The following TRIM44 variants were observed in gnomAD, a reference collection of about 807,000 sequenced individuals.
TRIM44 encodes the protein tripartite motif containing 44.
Under a neutral mutation model 37.4 loss-of-function variants are expected in TRIM44, and 13 were observed. That is an observed-to-expected ratio of 0.35 (90% CI 0.23 to 0.55). The LOEUF (loss-of-function observed/expected upper bound fraction) is 0.55. Ranked by LOEUF, TRIM44 falls within the 20% of genes least tolerant of loss-of-function variation. TRIM44 has a pLI of 0.89. For synonymous variants in TRIM44, 175 were observed against 157.2 expected (o/e 1.11, Z -0.85); for missense variants, 426 against 437.2 (o/e 0.97, Z 0.23).
At position 35,779,313 on chromosome 11, in the gene TRIM44, CAAG is replaced by C. The variant is rs1853026367; in HGVS notation, c.1008-27044_1008-27042del. Reference sequence around the variant, plus strand: ...GTTGGAAAAGCGCAGTATTAGGGTGCAAGTGTCCCGATTTTCCAGGTACCATCT... The same window carrying C: ...GTTGGAAAAGCGCAGTATTAGGGTGCTGTCCCGATTTTCCAGGTACCATCT... On this transcript the variant is annotated intron_variant, in intron 4 of 4. Transcript: ENST00000299413. 3.9e-5 allele frequency among the ~76,000 whole-genome samples: 6 copies of C among 152,256 alleles called. No homozygotes were observed. The South Asian group carries it at 1.0e-3, about 26-fold the overall frequency.
In TRIM44 at chr11:35,720,204, T is replaced by G. The variant is rs117300181; in HGVS notation, c.748-5720T>G. Among the ~76,000 whole-genome samples the G allele has an allele frequency of 1.3e-4, 20 of 152,332 alleles. No homozygotes were observed. In the East Asian group the frequency reaches 3.9e-3, roughly 29 times the overall value. Reference sequence around the variant, plus strand: ...TTTATTTCTTCTTTGAATTCTTATATTAGAGTTTTATAGTTTTCCTCTTAT... The same window carrying G: ...TTTATTTCTTCTTTGAATTCTTATAGTAGAGTTTTATAGTTTTCCTCTTAT... On this transcript the variant is annotated intron_variant, in intron 2 of 4. Transcript: ENST00000299413.
chr11:35,766,372 C>A (rs1244601656), intron 4 of TRIM44, among the ~76,000 whole-genome samples: 1 of 152,154 alleles, frequency 6.6e-6, no homozygotes, highest in Non-Finnish European at 1.5e-5. Context: ...GGCTTCTCCT[C>A]CCCAAGGCCA....
At chr11:35,693,412 T>C (rs1391806700) in intron 2 of TRIM44, among the ~76,000 whole-genome samples, 2 of 152,108 alleles carry the variant, frequency 1.3e-5, no homozygotes, top group East Asian at 1.9e-4. Context: ...TGAGAAACAG[T>C]AGAACAGTGA....
At chr11:35,769,351 A>G (rs964472697) in intron 4 of TRIM44, among the ~76,000 whole-genome samples, 7 of 152,190 alleles carry the variant, frequency 4.6e-5, no homozygotes, top group African/African-American at 9.7e-5. Flanking sequence ...TCTGTTTGAC[A>G]AGAGCCACAT....
chr11:35,784,514 ACTT>A (rs1189111565), intron 4 of TRIM44, among the ~76,000 whole-genome samples: 2 of 152,208 alleles, frequency 1.3e-5, no homozygotes, highest in South Asian at 4.1e-4. Flanking sequence ...AAAATTGTCT[ACTT>A]CTTTTAGGAT....
At chr11:35,716,747 G>C (rs1361350864) in intron 2 of TRIM44, among the ~76,000 whole-genome samples, 1 of 152,172 alleles carries the variant, frequency 6.6e-6, no homozygotes, top group African/African-American at 2.4e-5. Flanking sequence ...GAGGAAACAA[G>C]TTGACATTTG....
intron 4 of TRIM44, among the ~76,000 whole-genome samples, chr11:35,755,224 G>C (rs1222671150): frequency 6.6e-6 from 1 of 152,208 alleles, no homozygotes; most frequent in Non-Finnish European, 1.5e-5. Context: ...ATATCTCATT[G>C]TGGTTTTGAT....
At chr11:35,778,094 A>T (rs746821736) in intron 4 of TRIM44, among the ~76,000 whole-genome samples, 5 of 152,204 alleles carry the variant, frequency 3.3e-5, no homozygotes, top group Admixed American at 3.3e-4. Flanking sequence ...GAGGTACACC[A>T]ATCAGATGTA....
chr11:35,719,685 C>T (rs773893202), intron 2 of TRIM44, among the ~76,000 whole-genome samples: 2 of 152,080 alleles, frequency 1.3e-5, no homozygotes, highest in Non-Finnish European at 2.9e-5. Context: ...TTGCATTTTA[C>T]ATTGAGGTCC....
At position 35,797,377 on chromosome 11, in the gene TRIM44, A is replaced by G. The variant is rs529683465; in HGVS notation, c.1008-8981A>G. Among the ~76,000 whole-genome samples, 3 of 152,352 alleles carry G rather than the reference A, an allele frequency of 2.0e-5. No homozygotes were observed. In the East Asian group the frequency reaches 5.8e-4, roughly 29 times the overall value. The stretch of plus-strand genomic sequence containing the variant: ...AAAGTATTCCACATAATGTATGTAG[A>G]TATTTCACCCTCAAGGAGAGGGAAC... On this transcript the variant is annotated intron_variant, in intron 4 of 4. Coordinates refer to ENST00000299413, the MANE Select transcript of TRIM44 (RefSeq NM_017583.6).
At chr11:35,759,928 G>T (rs1049439068) in intron 4 of TRIM44, among the ~76,000 whole-genome samples, 1 of 152,244 alleles carries the variant, frequency 6.6e-6, no homozygotes, top group Non-Finnish European at 1.5e-5. Flanking sequence ...CTCCCAGTTA[G>T]GCTACTCGGG....
intron 4 of TRIM44, among the ~76,000 whole-genome samples, chr11:35,740,153 T>C (rs1473852383): frequency 2.6e-5 from 4 of 151,520 alleles, no homozygotes; most frequent in Non-Finnish European, 4.4e-5. Context: ...TTTTTTTTTT[T>C]TTTCCTAAGC....
chr11:35,714,153 G>A (rs961857110), intron 2 of TRIM44, among the ~76,000 whole-genome samples: 5 of 152,062 alleles, frequency 3.3e-5, no homozygotes, highest in Non-Finnish European at 7.4e-5. Context: ...AAAGCTTATT[G>A]GGGACTCTTC....
intron 4 of TRIM44, among the ~76,000 whole-genome samples, chr11:35,748,909 C>T (rs1852527965): frequency 1.3e-5 from 2 of 152,164 alleles, no homozygotes; most frequent in Non-Finnish European, 2.9e-5. Flanking sequence ...TTAAGCAATG[C>T]AGAGGCTGTC....
At chr11:35,778,457 C>T (rs1270465327) in intron 4 of TRIM44, among the ~76,000 whole-genome samples, 1 of 152,188 alleles carries the variant, frequency 6.6e-6, no homozygotes, top group Non-Finnish European at 1.5e-5. Flanking sequence ...GCCTTCTTCT[C>T]TCAAGTCGTC....
rs1853534965 is a variant in TRIM44 at position 35,812,171 on chromosome 11, T to G, written c.*5786T>G. 6.6e-6 allele frequency: 1 copy of G among 152,212 alleles called. No individual in the cohort carries two copies. Among genetic ancestry groups the G allele is most frequent in the Admixed American group, 6.5e-5 (1 of 15,280 alleles). The allele number at this position is 152,212 out of a possible 1,614,324, so 9.4% of individuals were successfully genotyped here. ...AGCTACAACTCTATATTTTATTTTA[T>G]TACTCTTTGTTTGGTCCAACATGGC... On this transcript the variant is annotated 3_prime_UTR_variant, in exon 5 of 5. Coordinates refer to ENST00000299413, the MANE Select transcript of TRIM44 (RefSeq NM_017583.6).
At chr11:35,796,403 G>T (rs969588599) in intron 4 of TRIM44, among the ~76,000 whole-genome samples, 1 of 152,202 alleles carries the variant, frequency 6.6e-6, no homozygotes. Flanking sequence ...CAGCAGCTGA[G>T]GCAACAGGAA....
Position 35,816,717 on chromosome 11 carries a change from C to T in TRIM44, c.*10332C>T, listed in dbSNP as rs1363216561. 3 of 152,182 alleles carry T rather than the reference C, an allele frequency of 2.0e-5. No homozygotes were observed. Among genetic ancestry groups the T allele is most frequent in the Non-Finnish European group, 4.4e-5 (3 of 68,036 alleles). 9.4% of individuals were successfully genotyped at this position (152,182 alleles called of 1,614,324 possible). On this transcript the variant is annotated 3_prime_UTR_variant, in exon 5 of 5. Coordinates refer to ENST00000299413, the MANE Select transcript of TRIM44 (RefSeq NM_017583.6). ...ATACTAGGTTTTAGAAGCATACAGACTTGGTTTTAGTACTGGCTTTGTTCT... is the reference window on the plus strand; with the variant it reads ...ATACTAGGTTTTAGAAGCATACAGATTTGGTTTTAGTACTGGCTTTGTTCT...
intron 4 of TRIM44, among the ~76,000 whole-genome samples, chr11:35,796,310 A>G (rs1425482767): frequency 1.3e-5 from 2 of 152,234 alleles, no homozygotes; most frequent in Non-Finnish European, 2.9e-5. Flanking sequence ...GTGAATCTCT[A>G]TTCAGACAGA....
Sources: allele counts gnomAD v4.1 joint callset (sites outside exome capture counted in the v4.1 genomes callset), GRCh38; gene constraint gnomAD v4.1.1; transcripts MANE v1.5; gene names NCBI Gene and HGNC (gene_info 2026-07-23, HGNC 2026-07-21).